Variants in MTOR observed in about 807,000 individuals in gnomAD.
MTOR encodes the protein mechanistic target of rapamycin kinase, also known as serine/threonine-protein kinase mTOR.
MTOR carries 70 observed loss-of-function variants against 319.8 expected under a neutral mutation model. The observed-to-expected ratio is 0.22, with a 90% CI of 0.18 to 0.27. MTOR has a LOEUF of 0.27. MTOR is among the 10% of genes least tolerant of loss of function. MTOR has a pLI of 1.00. For synonymous variants in MTOR, 1,183 were observed against 1,211.4 expected (o/e 0.98, Z 0.49); for missense variants, 1,890 against 3,274.4 (o/e 0.58, Z 10.32).
Position 11,247,925 on chromosome 1 carries a change from C to A in MTOR, c.1010G>T (p.Ser337Ile). 1 of 1,614,170 alleles carries A rather than the reference C, an allele frequency of 6.2e-7. No individual in the cohort carries two copies. The highest frequency in any genetic ancestry group is 8.5e-7 in the Non-Finnish European group (1 of 1,180,036). Residue 337 changes from serine to isoleucine, a missense_variant, in exon 7 of 58, where the codon AGC becomes ATC. Ser to Ile is a moderately radical substitution (Grantham distance 142). Coordinates refer to ENST00000361445, the MANE Select transcript of MTOR (RefSeq NM_004958.4). Reference protein sequence around the residue: ...SNALVGLLGYSSHQGLMGFGT... With the variant: ...SNALVGLLGYISHQGLMGFGT... Reference sequence around the variant, plus strand: ...AAATCCCATGAGGCCTTGGTGAGAGCTGTACCCCAGCAGCCCCACCAAGGC... The same window carrying A: ...AAATCCCATGAGGCCTTGGTGAGAGATGTACCCCAGCAGCCCCACCAAGGC...
At chr1:11,238,761 CTCT>C (rs1647550930) in intron 11 of MTOR, 144 bp from the exon 12 acceptor site, 8 of 650,192 alleles carry the variant, frequency 1.2e-5, no homozygotes, top group East Asian at 5.9e-5. Flanking sequence ...TGACCCGGAA[CTCT>C]TCTTTTTTTT....
Position 11,128,677 on chromosome 1 carries a change from T to C in MTOR, c.5812-125A>G. 1 of 1,117,090 alleles carries C rather than the reference T, an allele frequency of 9.0e-7. No homozygotes were observed. The highest frequency in any genetic ancestry group is 1.3e-6 in the Non-Finnish European group (1 of 766,748). The allele number at this position is 1,117,090 out of a possible 1,614,324, so 69.2% of individuals were successfully genotyped here. A position where few individuals can be genotyped will look rare whatever the true frequency, so the allele number is the denominator to read the frequency against. On this transcript the variant is annotated intron_variant, in intron 41 of 57. Transcript: ENST00000361445. The surrounding 1 kb of genome is among the most constrained non-coding windows in gnomAD (Gnocchi z 5.3). ...CTCTGAAATGGTTCATTCCCTTCCCTTTAGTTTCTAAAAGAAAATAAAGAA... is the reference window on the plus strand; with the variant it reads ...CTCTGAAATGGTTCATTCCCTTCCCCTTAGTTTCTAAAAGAAAATAAAGAA...
chr1:11,161,979 C>T (rs1321776127), intron 29 of MTOR, among the ~76,000 whole-genome samples: 1 of 152,142 alleles, frequency 6.6e-6, no homozygotes, highest in Admixed American at 6.6e-5. Context: ...GATGATCAAA[C>T]TTTTCCAAGC....
chr1:11,216,994 C>A (rs1646491526), intron 19 of MTOR, among the ~76,000 whole-genome samples: 2 of 152,118 alleles, frequency 1.3e-5, no homozygotes, highest in African/African-American at 2.4e-5. Flanking sequence ...TGTAAATGTA[C>A]CTTTTGTTTA....
intron 28 of MTOR, chr1:11,189,337 C>G: frequency 4.4e-6 from 2 of 455,158 alleles, no homozygotes; most frequent in Non-Finnish European, 7.8e-6. Context: ...ATTTAAGATG[C>G]TGACTTGTGG....
chr1:11,249,932 G>A (rs1557486038), intron 6 of MTOR, among the ~76,000 whole-genome samples: 2 of 150,892 alleles, frequency 1.3e-5, no homozygotes, highest in Admixed American at 1.3e-4. Flanking sequence ...TGAGCCACTG[G>A]GCACACCTCC....
intron 6 of MTOR, among the ~76,000 whole-genome samples, chr1:11,249,243 G>A (rs1409379301): frequency 6.7e-6 from 1 of 149,578 alleles, no homozygotes; most frequent in African/African-American, 2.4e-5. Context: ...GGGGAGGGGG[G>A]TTGGGGACTA....
rs746641913 is a variant in MTOR, at chr1:11,130,619, A to AGTGGTGGTGGCAGTGGCGGCC, written c.5502_5522dup (p.Ala1836_Ala1842dup). 2.5e-6 allele frequency: 4 copies of AGTGGTGGTGGCAGTGGCGGCC among 1,613,454 alleles called. No homozygotes were observed. Among genetic ancestry groups the AGTGGTGGTGGCAGTGGCGGCC allele is most frequent in the Non-Finnish European group, 3.4e-6 (4 of 1,179,676 alleles). ...CACTGTTGCTGCCCTCGGTGCTGGC[A>AGTGGTGGTGGCAGTGGCGGCC]GTGGTGGTGGCAGTGGCGGCCGTGG... On this transcript the variant is annotated inframe_insertion, in exon 39 of 58. Coordinates refer to ENST00000361445, the MANE Select transcript of MTOR (RefSeq NM_004958.4).
Position 11,233,494 on chromosome 1 carries a change from A to G in MTOR, c.2332-7T>C. The G allele has an allele frequency of 6.2e-7, 1 of 1,610,972 alleles. No homozygotes were observed. Among genetic ancestry groups the G allele is most frequent in the Non-Finnish European group, 8.5e-7 (1 of 1,177,192 alleles). On this transcript the variant is annotated splice_region_variant and splice_polypyrimidine_tract_variant and intron_variant, in intron 14 of 57. Coordinates refer to ENST00000361445, the MANE Select transcript of MTOR (RefSeq NM_004958.4). ...TCAGTTTCAAAATTAATGCCTAGAG[A>G]AAGAAGTTATGAGAAAATGAATGCA...
At chr1:11,258,440 C>T in intron 3 of MTOR, 45 bp downstream of exon 3, 1 of 1,373,826 alleles carries the variant, frequency 7.3e-7, no homozygotes, top group Non-Finnish European at 1.0e-6. Flanking sequence ...GCAGTGGGCA[C>T]AAAGGTGAGT....
At chr1:11,233,957 C>T (rs962705533) in intron 14 of MTOR, among the ~76,000 whole-genome samples, 186 bp downstream of exon 14, 1 of 152,152 alleles carries the variant, frequency 6.6e-6, no homozygotes, top group South Asian at 2.1e-4. Flanking sequence ...CACTTTCCTG[C>T]AACTGATAAG....
intron 28 of MTOR, among the ~76,000 whole-genome samples, chr1:11,197,834 C>T (rs767600123): frequency 9.2e-5 from 14 of 152,298 alleles, no homozygotes; most frequent in Admixed American, 4.6e-4. Context: ...TGAACTACCC[C>T]GCCCGGCCTG....
chr1:11,109,220 G>T lies in MTOR; in HGVS notation c.7528+70C>A. 2 of 1,432,054 alleles carry T rather than the reference G, an allele frequency of 1.4e-6. No individual in the cohort carries two copies. Among genetic ancestry groups the T allele is most frequent in the South Asian group, 2.4e-5 (2 of 82,184 alleles). 88.7% of individuals were successfully genotyped at this position (1,432,054 alleles called of 1,614,324 possible). A position where few individuals can be genotyped will look rare whatever the true frequency, so the allele number is the denominator to read the frequency against. Reference sequence around the variant, plus strand: ...CACTAACACCACTGGACATGGGGCTGACCACCACTCAGAGAGGAAAGTGTG... The same window carrying T: ...CACTAACACCACTGGACATGGGGCTTACCACCACTCAGAGAGGAAAGTGTG... On this transcript the variant is annotated intron_variant, in intron 56 of 57. Coordinates refer to ENST00000361445, the MANE Select transcript of MTOR (RefSeq NM_004958.4). This position sits in a 1 kb window ranked among gnomAD's most constrained non-coding sequence, Gnocchi z 4.0.
In MTOR at chr1:11,189,649, G is replaced by A. The variant is rs752716056; in HGVS notation, c.4253+9609C>T. 3.1e-6 allele frequency: 5 copies of A among 1,614,030 alleles called. No individual in the cohort carries two copies. The African/African-American group carries it at 6.7e-5, about 22-fold the overall frequency. ...CATCGTGGCCTTTGTCAGCCACCCAGCGTGGCTGCAGAAGCTCTCTAAGCA... is the reference window on the plus strand; with the variant it reads ...CATCGTGGCCTTTGTCAGCCACCCAACGTGGCTGCAGAAGCTCTCTAAGCA... On this transcript the variant is annotated intron_variant, in intron 28 of 57. Transcript: ENST00000361445.
chr1:11,232,794 G>A (rs1041064680), intron 15 of MTOR, among the ~76,000 whole-genome samples: 2 of 152,098 alleles, frequency 1.3e-5, no homozygotes, highest in African/African-American at 2.4e-5. Context: ...AGAATCACTT[G>A]AACCCAGGAG....
intron 57 of MTOR, 55 bp from the exon 58 acceptor site, chr1:11,107,555 T>C (rs1462125286): frequency 6.3e-7 from 1 of 1,585,568 alleles, no homozygotes; most frequent in Non-Finnish European, 8.6e-7. Flanking sequence ...CTTCAAAGGT[T>C]TACACAGATA....
chr1:11,109,423 T>C lies in MTOR; in HGVS notation c.7448-53A>G. ...GTAAGAATGGGAGCAATACAACAGG[T>C]TCAATGGGTGCCCTGTTTTTCTCAA... On this transcript the variant is annotated intron_variant, in intron 55 of 57. Transcript: ENST00000361445. This position sits in a 1 kb window ranked among gnomAD's most constrained non-coding sequence, Gnocchi z 4.0. 6.6e-7 allele frequency: 1 copy of C among 1,514,662 alleles called. No individual in the cohort carries two copies. Among genetic ancestry groups the C allele is most frequent in the Non-Finnish European group, 9.1e-7 (1 of 1,095,774 alleles). 93.8% of individuals were successfully genotyped at this position (1,514,662 alleles called of 1,614,324 possible).
intron 19 of MTOR, among the ~76,000 whole-genome samples, chr1:11,217,824 T>C (rs140655897): frequency 2.9e-4 from 44 of 152,058 alleles, no homozygotes; most frequent in African/African-American, 1.0e-3. Flanking sequence ...GTCGGGTAAG[T>C]TGGAATAAAT....
rs199646229 is a variant in MTOR at position 11,243,231 on chromosome 1, G to A, written c.1295C>T (p.Ala432Val). 139 of 1,614,174 alleles carry A rather than the reference G, an allele frequency of 8.6e-5. No individual in the cohort carries two copies. In the East Asian group the frequency reaches 2.9e-3, roughly 34 times the overall value. ...SCVKKEKERTAAFQALGLLSV... is the reference protein window; with the variant it reads ...SCVKKEKERTVAFQALGLLSV... The stretch of plus-strand genomic sequence containing the variant: ...AAGTAGCCCCAGGGCTTGGAAGGCC[G>A]CTGTACGTTCCTTCTCCTTCTTGAC... The change falls in exon 9 of 58, where the codon GCG becomes GTG. Residue 432 changes from alanine (A) to valine (V), a missense_variant. Physicochemically the swap from Ala to Val is moderately conservative, Grantham distance 64. Coordinates refer to ENST00000361445, the MANE Select transcript of MTOR (RefSeq NM_004958.4).
Sources: gnomAD v4.1 joint callset for allele counts (sites outside exome capture counted in the v4.1 genomes callset) on GRCh38, gnomAD v4.1.1 for gene constraint, Gnocchi (gnomAD v3.1) non-coding constraint, MANE v1.5 for transcripts, NCBI Gene and HGNC (gene_info 2026-07-23, HGNC 2026-07-21) for gene names.